Variants in ESRRG observed in about 807,000 individuals in gnomAD.
ESRRG encodes estrogen related receptor gamma.
ESRRG carries 13 observed loss-of-function variants against 44.0 expected under a neutral mutation model. The observed-to-expected ratio is 0.30, with a 90% CI of 0.19 to 0.47. The LOEUF (loss-of-function observed/expected upper bound fraction) is 0.47. Ranked by LOEUF, ESRRG falls within the 20% of genes least tolerant of loss-of-function variation. ESRRG has a pLI of 1.00. For synonymous variants in ESRRG, 215 were observed against 214.6 expected (o/e 1.00, Z -0.02); for missense variants, 395 against 580.6 (o/e 0.68, Z 3.29).
intron 1 of ESRRG, among the ~76,000 whole-genome samples, chr1:217,061,059 T>A (rs1253494108): frequency 6.6e-6 from 1 of 152,102 alleles, no homozygotes; most frequent in Admixed American, 6.6e-5. Flanking sequence ...TATGGATTTG[T>A]GCTTTTTTCC....
intron 2 of ESRRG, among the ~76,000 whole-genome samples, chr1:216,842,396 A>G (rs1488798157): frequency 2.0e-5 from 3 of 152,152 alleles, no homozygotes; most frequent in Non-Finnish European, 4.4e-5. Flanking sequence ...AAGGGAGCCT[A>G]TTAGGAAAGA....
chr1:216,919,020 A>T (rs1465674024), intron 2 of ESRRG, among the ~76,000 whole-genome samples: 1 of 152,080 alleles, frequency 6.6e-6, no homozygotes, highest in African/African-American at 2.4e-5. Context: ...TAATGATAAT[A>T]CTTAATATCT....
At chr1:217,088,725 G>A (rs575630830) in intron 1 of ESRRG, among the ~76,000 whole-genome samples, 43 of 152,134 alleles carry the variant, frequency 2.8e-4, no homozygotes, top group Admixed American at 5.2e-4. Flanking sequence ...CTGAAAGGGG[G>A]AGAGGGTGCA....
intron 3 of ESRRG, among the ~76,000 whole-genome samples, chr1:216,637,820 G>A (rs1365822142): frequency 6.6e-6 from 1 of 151,374 alleles, no homozygotes; most frequent in Non-Finnish European, 1.5e-5. Context: ...TATATTGTCA[G>A]TGTAGTCAAT....
intron 1 of ESRRG, among the ~76,000 whole-genome samples, chr1:217,125,609 TG>T (rs2092879407): frequency 6.6e-6 from 1 of 152,192 alleles, no homozygotes; most frequent in Admixed American, 6.5e-5. Flanking sequence ...GAATATTGTA[TG>T]GAAGTAGGGT....
intron 1 of ESRRG, among the ~76,000 whole-genome samples, chr1:216,684,811 G>A (rs1019244215): frequency 3.0e-4 from 45 of 152,166 alleles, no homozygotes; most frequent in African/African-American, 9.9e-4. Flanking sequence ...CAGTAGGGGG[G>A]AAATACCATT....
intron 1 of ESRRG, among the ~76,000 whole-genome samples, chr1:217,002,761 G>T: frequency 6.6e-6 from 1 of 152,102 alleles, no homozygotes. Context: ...GAACCAATTT[G>T]CCAGCCATAT....
chr1:216,675,524 C>A (rs12728283), intron 2 of ESRRG, among the ~76,000 whole-genome samples: 122,053 of 152,134 alleles, frequency 0.8, 49,028 homozygotes, highest in Admixed American at 0.83. Context: ...GAAGGCTCCA[C>A]ATAAATTAGT....
At chr1:216,550,833 TTAAC>T (rs1413926758) in intron 5 of ESRRG, among the ~76,000 whole-genome samples, 1 of 152,214 alleles carries the variant, frequency 6.6e-6, no homozygotes, top group Non-Finnish European at 1.5e-5. Context: ...CTGAAGTAGT[TTAAC>T]TATTTAAAAT....
At chr1:216,965,273 T>C (rs1037184155) in intron 1 of ESRRG, among the ~76,000 whole-genome samples, 3 of 152,088 alleles carry the variant, frequency 2.0e-5, no homozygotes, top group Non-Finnish European at 4.4e-5. Flanking sequence ...AAATTCAGAC[T>C]TCAGTATAAG....
At chr1:216,761,945 G>T (rs981139614) in intron 2 of ESRRG, among the ~76,000 whole-genome samples, 2 of 152,088 alleles carry the variant, frequency 1.3e-5, no homozygotes, top group African/African-American at 4.8e-5. Context: ...CAAGTACTAC[G>T]ATAATGGTAC....
chr1:216,766,815 C>T (rs938106192), intron 2 of ESRRG, among the ~76,000 whole-genome samples: 1 of 152,138 alleles, frequency 6.6e-6, no homozygotes, highest in Admixed American at 6.6e-5. Flanking sequence ...AATAATTCTG[C>T]TCTCTGGGGT....
intron 1 of ESRRG, among the ~76,000 whole-genome samples, chr1:216,984,834 T>G (rs2074602037): frequency 6.6e-6 from 1 of 152,308 alleles, no homozygotes; most frequent in Admixed American, 6.5e-5. Context: ...GAAGTCTGGG[T>G]CCATAAACCA....
At chr1:216,940,043 A>T (rs2149949240) in intron 1 of ESRRG, among the ~76,000 whole-genome samples, 1 of 152,260 alleles carries the variant, frequency 6.6e-6, no homozygotes, top group Admixed American at 6.5e-5. Context: ...AGAAAAAAAA[A>T]AAATTCTTCC....
intron 5 of ESRRG, among the ~76,000 whole-genome samples, chr1:216,534,031 G>A (rs142461795): frequency 1.2e-3 from 176 of 152,118 alleles, no homozygotes; most frequent in African/African-American, 3.8e-3. Flanking sequence ...ATATCCAGGC[G>A]AGGCAGCTAT....
chr1:216,935,461 G>A (rs2063976581), intron 2 of ESRRG, among the ~76,000 whole-genome samples: 2 of 152,092 alleles, frequency 1.3e-5, no homozygotes, highest in African/African-American at 2.4e-5. Context: ...GAATACAGAT[G>A]AACAGCCAGC....
At chr1:217,121,518 A>C (rs953129918) in intron 1 of ESRRG, among the ~76,000 whole-genome samples, 1 of 152,214 alleles carries the variant, frequency 6.6e-6, no homozygotes, top group African/African-American at 2.4e-5. Flanking sequence ...AGAGATGATG[A>C]GGCATGAACT....
intron 2 of ESRRG, among the ~76,000 whole-genome samples, chr1:216,929,387 G>C (rs1324902129): frequency 6.6e-6 from 1 of 152,064 alleles, no homozygotes; most frequent in Non-Finnish European, 1.5e-5. Context: ...AGAGAAAAGG[G>C]GCCATCAAAA....
intron 1 of ESRRG, among the ~76,000 whole-genome samples, chr1:217,131,441 T>C (rs1043740330): frequency 6.6e-6 from 1 of 152,194 alleles, no homozygotes; most frequent in Non-Finnish European, 1.5e-5. Context: ...CAGTTTTAGC[T>C]AGAACTACCT....
Sources: gnomAD v4.1 joint callset for allele counts (sites outside exome capture counted in the v4.1 genomes callset) on GRCh38, gnomAD v4.1.1 for gene constraint, MANE v1.5 for transcripts, NCBI Gene and HGNC (gene_info 2026-07-23, HGNC 2026-07-21) for gene names.